The following AFDN variants were observed in gnomAD, a reference collection of about 807,000 sequenced individuals.
The protein encoded by AFDN is afadin, adherens junction formation factor, also known as afadin.
A neutral mutation model predicts 216.6 loss-of-function variants in AFDN; 68 were observed. The observed-to-expected ratio is 0.31, with a 90% CI of 0.26 to 0.38. AFDN has a LOEUF of 0.38. AFDN is among the 10% of genes least tolerant of loss of function. The probability of loss-of-function intolerance (pLI) is 1.00; values close to 1 mark genes in which losing one functional copy is unlikely to be tolerated. For synonymous variants in AFDN, 868 were observed against 853.7 expected (o/e 1.02, Z -0.29); for missense variants, 2,136 against 2,342.0 (o/e 0.91, Z 1.82).
chr6:167,882,194 G>C (rs1386367520), intron 6 of AFDN, among the ~76,000 whole-genome samples: 1 of 151,880 alleles, frequency 6.6e-6, no homozygotes, highest in African/African-American at 2.4e-5. Context: ...AACAGACGGA[G>C]AAAGAACTCT....
chr6:167,971,580 T>G lies in AFDN; in HGVS notation c.*1645T>G, dbSNP rs185735290. 70 of 194,216 alleles carry G rather than the reference T, an allele frequency of 3.6e-4. No homozygotes were observed. In the East Asian group the frequency reaches 4.3e-3, roughly 12 times the overall value. The allele number at this position is 194,216 out of a possible 1,614,324, so 12.0% of individuals were successfully genotyped here. On this transcript the variant is annotated 3_prime_UTR_variant, in exon 34 of 34. Coordinates refer to ENST00000683244, the MANE Select transcript of AFDN (RefSeq NM_001386888.1). ...GAAAAGCAGGCACCTCCCAAATATCTTGAGGACACTGGCAGCCTTATGGTG... is the reference window on the plus strand; with the variant it reads ...GAAAAGCAGGCACCTCCCAAATATCGTGAGGACACTGGCAGCCTTATGGTG...
chr6:167,893,907 G>A lies in AFDN; in HGVS notation c.1222+1G>A. On this transcript the variant is annotated splice_donor_variant, in intron 9 of 33. Transcript: ENST00000683244. LOFTEE classifies it high-confidence loss of function. Reference sequence around the variant, plus strand: ...TACTACAACTATCACACTTACGAAGGTAATGCTATGCTTACTACTACTTTT... The same window carrying A: ...TACTACAACTATCACACTTACGAAGATAATGCTATGCTTACTACTACTTTT... 6.3e-7 allele frequency: 1 copy of A among 1,579,862 alleles called. No homozygotes were observed. Among genetic ancestry groups the A allele is most frequent in the South Asian group, 1.2e-5 (1 of 86,380 alleles).
In AFDN at chr6:167,962,149, T is replaced by A. The variant is rs1797098898; in HGVS notation, c.4834-284T>A. ...GTTCCAGTAAAAGAATTGTGCTTGT[T>A]GAATGTGTGAATGTAGATGATAAAT... On this transcript the variant is annotated intron_variant, in intron 30 of 33. Transcript: ENST00000683244. This position sits in a 1 kb window ranked among gnomAD's most constrained non-coding sequence, Gnocchi z 5.2. Among the ~76,000 whole-genome samples the A allele has an allele frequency of 6.6e-6, 1 of 152,214 alleles. No individual in the cohort carries two copies. Among genetic ancestry groups the A allele is most frequent in the Non-Finnish European group, 1.5e-5 (1 of 68,048 alleles).
intron 20 of AFDN, 107 bp from the exon 21 acceptor site, chr6:167,918,628 G>A (rs1034977964): frequency 8.4e-6 from 8 of 955,268 alleles, no homozygotes; most frequent in Middle Eastern, 3.1e-4. Flanking sequence ...GTGTGTGTCT[G>A]TGAGATAAGC....
chr6:167,865,028 T>G, intron 2 of AFDN: 2 of 520,822 alleles, frequency 3.8e-6, no homozygotes, highest in Non-Finnish European at 7.1e-6. Flanking sequence ...ATCCAACATA[T>G]CTGGGTGTCA....
At chr6:167,918,615 T>G in intron 20 of AFDN, 120 bp from the exon 21 acceptor site, 1 of 862,828 alleles carries the variant, frequency 1.2e-6, no homozygotes, top group Non-Finnish European at 1.9e-6. Flanking sequence ...TGTCTGTGTG[T>G]GTGTGTGTGT....
intron 1 of AFDN, among the ~76,000 whole-genome samples, chr6:167,830,512 GTATT>G (rs1175657582): frequency 6.6e-6 from 1 of 152,170 alleles, no homozygotes; most frequent in Non-Finnish European, 1.5e-5. Flanking sequence ...AGGCCAGTGA[GTATT>G]TATGTTTTCA....
At chr6:167,932,473 T>C (rs924577986) in intron 23 of AFDN, 4 of 152,232 alleles carry the variant, frequency 2.6e-5, no homozygotes, top group Admixed American at 6.5e-5. Context: ...CCCTCCTTTT[T>C]ATTTTTCTAA....
chr6:167,930,975 G>T (rs1288700430), intron 23 of AFDN, among the ~76,000 whole-genome samples: 1 of 151,926 alleles, frequency 6.6e-6, no homozygotes, highest in South Asian at 2.1e-4. Context: ...TTTTCCAGAT[G>T]AGAGGTCGTG....
intron 11 of AFDN, among the ~76,000 whole-genome samples, chr6:167,901,691 C>T (rs1788976669): frequency 6.6e-6 from 1 of 152,222 alleles, no homozygotes; most frequent in Middle Eastern, 3.4e-3. Context: ...GGGCCGCCGG[C>T]ACTTCAACCT....
chr6:167,966,163 A>G (rs778700404), intron 32 of AFDN, 118 bp downstream of exon 32: 6 of 1,534,534 alleles, frequency 3.9e-6, no homozygotes, highest in South Asian at 2.4e-5. Context: ...TTTCTCTCCA[A>G]CTCATTCCAG....
Position 167,946,843 on chromosome 6 carries a change from T to C in AFDN, c.3495T>C (p.Pro1165=). 6.2e-7 allele frequency: 1 copy of C among 1,612,950 alleles called. No homozygotes were observed. Among genetic ancestry groups the C allele is most frequent in the Non-Finnish European group, 8.5e-7 (1 of 1,179,746 alleles). The part of the protein sequence containing the change: ...WAEYSEPKKL[P]GDDRLMKNRA... ...AATATAGTGAACCAAAGAAATTGCCTGGTGATGACAGACTGATGAAAAATA... is the reference window on the plus strand; with the variant it reads ...AATATAGTGAACCAAAGAAATTGCCCGGTGATGACAGACTGATGAAAAATA... The change falls in exon 27 of 34, where the codon CCT becomes CCC. Residue 1165 remains proline (P), a synonymous_variant. Coordinates refer to ENST00000683244, the MANE Select transcript of AFDN (RefSeq NM_001386888.1).
At position 167,830,882 on chromosome 6, in the gene AFDN, T is replaced by C. The variant is rs369792788; in HGVS notation, c.105+3645T>C. 2.5e-4 allele frequency among the ~76,000 whole-genome samples: 38 copies of C among 149,434 alleles called. 1 individual carries two copies. The South Asian group carries it at 8.2e-3, about 32-fold the overall frequency. On this transcript the variant is annotated intron_variant, in intron 1 of 33. Coordinates refer to ENST00000683244, the MANE Select transcript of AFDN (RefSeq NM_001386888.1). ...TTATAGCTACATCTATATTCCAGAC[T>C]AATATTAGCTTGTGACTATGCTTTA...
At chr6:167,954,925 A>G (rs1471414471) in intron 30 of AFDN, among the ~76,000 whole-genome samples, 1 of 152,186 alleles carries the variant, frequency 6.6e-6, no homozygotes, top group Admixed American at 6.5e-5. Context: ...GTCTGTTGGT[A>G]GAGTAAGAGA....
intron 23 of AFDN, among the ~76,000 whole-genome samples, chr6:167,930,276 C>T (rs1287114036): frequency 3.9e-5 from 6 of 152,144 alleles, no homozygotes; most frequent in South Asian, 2.1e-4. Context: ...GTGGATTTGA[C>T]GCTCATGAAA....
At chr6:167,834,787 C>G (rs536410681) in intron 1 of AFDN, among the ~76,000 whole-genome samples, 5 of 151,978 alleles carry the variant, frequency 3.3e-5, no homozygotes, top group African/African-American at 1.2e-4. Context: ...TGTGACCAGT[C>G]TGGGCAACAC....
Position 167,920,179 on chromosome 6 carries a change from A to G in AFDN, c.2908+1246A>G, listed in dbSNP as rs2128490624. ...AAAGTGTGTGTGAAGGAAGAGGGGT[A>G]GGAGCAGGAGTAGGCAGGGAGAGCC... On this transcript the variant is annotated intron_variant, in intron 21 of 33. Transcript: ENST00000683244. Among the ~76,000 whole-genome samples the G allele has an allele frequency of 2.0e-5, 3 of 152,262 alleles. No homozygotes were observed. In the South Asian group the frequency reaches 6.2e-4, roughly 32 times the overall value.
At position 167,951,741 on chromosome 6, in the gene AFDN, C is replaced by T. The variant is rs757926498; in HGVS notation, c.4387C>T (p.Pro1463Ser). The change falls in exon 30 of 34, where the codon CCC (proline) becomes TCC (serine). Residue 1463 changes from proline (P) to serine (S), a missense_variant. Coordinates refer to ENST00000683244, the MANE Select transcript of AFDN (RefSeq NM_001386888.1). The surrounding 1 kb of genome is among the most constrained non-coding windows in gnomAD (Gnocchi z 7.1). ...TQSLNPAPFS[P>S]LTAQQMKPEK... ...GTCCTTAAACCCTGCTCCGTTTTCT[C>T]CCCTGACTGCACAGCAGATGAAGCC... 1.2e-6 allele frequency: 2 copies of T among 1,614,142 alleles called. No individual in the cohort carries two copies. The highest frequency in any genetic ancestry group is 1.7e-6 in the Non-Finnish European group (2 of 1,179,996).
chr6:167,930,809 T>C (rs942882261), intron 23 of AFDN, among the ~76,000 whole-genome samples: 2 of 152,208 alleles, frequency 1.3e-5, no homozygotes, highest in African/African-American at 2.4e-5. Flanking sequence ...TGGACAGAGC[T>C]GAGGATTTTA....
Sources: gnomAD v4.1 joint callset for allele counts (sites outside exome capture counted in the v4.1 genomes callset) on GRCh38, gnomAD v4.1.1 for gene constraint, Gnocchi (gnomAD v3.1) non-coding constraint, MANE v1.5 for transcripts, NCBI Gene and HGNC (gene_info 2026-07-23, HGNC 2026-07-21) for gene names.